The following SOS1 variants were observed in gnomAD, a reference collection of about 807,000 sequenced individuals.
SOS1 encodes SOS Ras/Rac guanine nucleotide exchange factor 1, also known as son of sevenless homolog 1.
SOS1 carries 25 observed loss-of-function variants against 157.6 expected under a neutral mutation model. The ratio of observed to expected loss-of-function variants is 0.16; its 90% confidence interval spans 0.12 to 0.22. SOS1 has a LOEUF of 0.22. SOS1 is among the 10% of genes least tolerant of loss of function. SOS1 has a pLI of 1.00. For missense variants in SOS1, 1,237 were observed against 1,599.1 expected (o/e 0.77, Z 3.86); for synonymous variants, 528 against 534.0 (o/e 0.99, Z 0.16).
At position 38,987,483 on chromosome 2, in the gene SOS1, G is replaced by A. The variant is rs778109739; in HGVS notation, c.3500C>T (p.Ser1167Leu). ...RRPESAPAESSPSKIMSKHLD... is the reference protein window; with the variant it reads ...RRPESAPAESLPSKIMSKHLD... ...GATTTCTTACTTTACCTTAGATGGTGAAGATTCTGCTGGGGCAGATTCTGG... is the reference window on the plus strand; with the variant it reads ...GATTTCTTACTTTACCTTAGATGGTAAAGATTCTGCTGGGGCAGATTCTGG... Residue 1167 changes from serine to leucine, a missense_variant, in exon 22 of 23, where the codon TCA (serine) becomes TTA (leucine). Transcript: ENST00000402219. 1 of 1,544,364 alleles carries A rather than the reference G, an allele frequency of 6.5e-7. No individual in the cohort carries two copies. The highest frequency in any genetic ancestry group is 1.4e-5 in the African/African-American group (1 of 73,640).
At chr2:39,044,864 GCACA>G (rs59580960) in intron 6 of SOS1, among the ~76,000 whole-genome samples, 1 of 147,660 alleles carries the variant, frequency 6.8e-6, no homozygotes, top group Non-Finnish European at 1.5e-5. Context: ...GCGCGCGCGC[GCACA>G]CACACACACA....
intron 13 of SOS1, 96 bp from the exon 14 acceptor site, chr2:39,012,444 T>C: frequency 2.2e-6 from 1 of 457,732 alleles, no homozygotes; most frequent in Non-Finnish European, 3.5e-6. Context: ...GACACCTGAA[T>C]GTATCTTTGC....
chr2:39,044,399 C>T (rs1273346231), intron 6 of SOS1, among the ~76,000 whole-genome samples: 1 of 152,172 alleles, frequency 6.6e-6, no homozygotes, highest in Non-Finnish European at 1.5e-5. Flanking sequence ...TCCGTTACTT[C>T]CTTACATATT....
intron 6 of SOS1, among the ~76,000 whole-genome samples, chr2:39,038,171 G>A (rs1031917808): frequency 6.6e-6 from 1 of 152,114 alleles, no homozygotes; most frequent in African/African-American, 2.4e-5. Flanking sequence ...CCTCTGGAAA[G>A]GATTCACCAT....
intron 6 of SOS1, among the ~76,000 whole-genome samples, chr2:39,037,888 T>C (rs564017813): frequency 2.5e-4 from 38 of 152,244 alleles, no homozygotes; most frequent in African/African-American, 8.7e-4. Context: ...TACTGAATAC[T>C]TTAAGCCCAC....
At chr2:39,084,797 G>A (rs1004736207) in intron 1 of SOS1, among the ~76,000 whole-genome samples, 1 of 152,074 alleles carries the variant, frequency 6.6e-6, no homozygotes, top group Non-Finnish European at 1.5e-5. Context: ...TTTAAAAACA[G>A]TATGACCTTC....
chr2:39,097,218 A>T (rs192258927), intron 1 of SOS1, among the ~76,000 whole-genome samples: 21 of 152,384 alleles, frequency 1.4e-4, no homozygotes, highest in East Asian at 9.6e-4. Flanking sequence ...CCATGACTAT[A>T]TAACACTTTA....
intron 21 of SOS1, among the ~76,000 whole-genome samples, chr2:38,988,961 A>G (rs894922426): frequency 2.9e-5 from 2 of 69,388 alleles, no homozygotes; most frequent in Admixed American, 3.0e-4. Context: ...TTTTTTTTCA[A>G]AGTTGAGCAT....
intron 1 of SOS1, among the ~76,000 whole-genome samples, chr2:39,107,870 T>C (rs1191232664): frequency 6.6e-6 from 1 of 152,138 alleles, no homozygotes; most frequent in African/African-American, 2.4e-5. Flanking sequence ...AAATGTACTT[T>C]AGAGCCATCC....
At chr2:39,105,316 G>C (rs1488990006) in intron 1 of SOS1, among the ~76,000 whole-genome samples, 1 of 150,632 alleles carries the variant, frequency 6.6e-6, no homozygotes, top group African/African-American at 2.4e-5. Flanking sequence ...AATAGAGATG[G>C]GGTCTCACCA....
intron 10 of SOS1, among the ~76,000 whole-genome samples, chr2:39,022,007 A>C (rs922742673): frequency 6.6e-6 from 1 of 151,698 alleles, no homozygotes; most frequent in Non-Finnish European, 1.5e-5. Flanking sequence ...GATTTTTTAA[A>C]TTTTTGGGTC....
At chr2:39,069,913 C>A (rs1313589140) in intron 1 of SOS1, among the ~76,000 whole-genome samples, 3 of 152,090 alleles carry the variant, frequency 2.0e-5, no homozygotes. Flanking sequence ...AAATCATTTG[C>A]CCAAGAACTT....
chr2:39,000,325 T>G (rs1669048302), intron 17 of SOS1, among the ~76,000 whole-genome samples: 5 of 152,230 alleles, frequency 3.3e-5, no homozygotes, highest in Admixed American at 1.3e-4. Context: ...ATATCCTCGC[T>G]TTCTCCCTAT....
intron 2 of SOS1, among the ~76,000 whole-genome samples, chr2:39,060,291 A>T (rs1184753687): frequency 1.3e-5 from 2 of 152,224 alleles, no homozygotes; most frequent in Non-Finnish European, 2.9e-5. Flanking sequence ...CTCAACTCAT[A>T]GTAAGAATAA....
intron 1 of SOS1, among the ~76,000 whole-genome samples, chr2:39,097,709 A>G (rs1208937531): frequency 6.6e-6 from 1 of 151,940 alleles, no homozygotes; most frequent in Non-Finnish European, 1.5e-5. Flanking sequence ...GATTACAGGC[A>G]TGCACCATCA....
chr2:38,990,340 G>A (rs921114087), intron 20 of SOS1, among the ~76,000 whole-genome samples: 1 of 151,954 alleles, frequency 6.6e-6, no homozygotes, highest in Non-Finnish European at 1.5e-5. Flanking sequence ...ATATTTATTT[G>A]GAACCTATGA....
rs548553994 is a variant in SOS1 at position 39,021,603 on chromosome 2, A to G, written c.1858+967T>C. ...AAATCTAAAGATTAATTTTACTCCA[A>G]ATGAGTCTAGGAACCCCAAACAAAA... On this transcript the variant is annotated intron_variant, in intron 10 of 22. Transcript: ENST00000402219. 9.2e-4 allele frequency among the ~76,000 whole-genome samples: 140 copies of G among 151,546 alleles called. 1 individual carries two copies. Among genetic ancestry groups the G allele is most frequent in the African/African-American group, 2.9e-3 (122 of 41,514 alleles).
chr2:39,007,738 A>T (rs1036094129), intron 15 of SOS1, among the ~76,000 whole-genome samples: 4 of 152,174 alleles, frequency 2.6e-5, no homozygotes, highest in African/African-American at 9.6e-5. Context: ...ATATAATTGC[A>T]TTGAGATTCT....
chr2:39,099,737 A>C (rs1463193766), intron 1 of SOS1, among the ~76,000 whole-genome samples: 1 of 152,138 alleles, frequency 6.6e-6, no homozygotes, highest in East Asian at 1.9e-4. Context: ...TACAAACCAT[A>C]TATCTTTTTT....
Sources: allele counts gnomAD v4.1 joint callset (sites outside exome capture counted in the v4.1 genomes callset), GRCh38; gene constraint gnomAD v4.1.1; transcripts MANE v1.5; gene names NCBI Gene and HGNC (gene_info 2026-07-23, HGNC 2026-07-21).